Variants in CNGA3 observed in about 807,000 individuals in gnomAD.
CNGA3 encodes the protein cyclic nucleotide-gated channel alpha-3.
In CNGA3, 42 loss-of-function variants were observed where a neutral mutation model predicts 46.6. That is an observed-to-expected ratio of 0.90 (90% confidence interval 0.70 to 1.17). CNGA3 has a LOEUF of 1.17. CNGA3 is among the 50% of genes most tolerant of loss of function. The pLI, the probability that CNGA3 is intolerant of heterozygous loss-of-function variation, is 0.00. For synonymous variants in CNGA3, 394 were observed against 369.4 expected (o/e 1.07, Z -0.76); for missense variants, 893 against 890.7 (o/e 1.00, Z -0.03).
chr2:98,390,830 G>A lies in CNGA3; in HGVS notation c.567-1034G>A, dbSNP rs187322359. ...CACTGTTGGTCTTCTGAGGGTACAC[G>A]GGAGGGCTTAGGGGACTTCCCAAGC... On this transcript the variant is annotated intron_variant, in intron 6 of 7. Transcript: ENST00000272602. 8.5e-5 allele frequency among the ~76,000 whole-genome samples: 13 copies of A among 152,320 alleles called. No homozygotes were observed. In the East Asian group the frequency reaches 1.5e-3, roughly 18 times the overall value.
At chr2:98,392,013 G>T (rs770929126) in intron 7 of CNGA3, 43 bp downstream of exon 7, 3 of 1,555,726 alleles carry the variant, frequency 1.9e-6, no homozygotes, top group Admixed American at 3.3e-5. Context: ...TGGCCCCCAC[G>T]GGAGTGTTCC....
At chr2:98,367,918 A>G (rs1234236640) in intron 1 of CNGA3, among the ~76,000 whole-genome samples, 1 of 152,020 alleles carries the variant, frequency 6.6e-6, no homozygotes, top group African/African-American at 2.4e-5. Flanking sequence ...CCACATTCCT[A>G]CTGGGCTTTA....
chr2:98,389,884 G>C, intron 6 of CNGA3, 110 bp downstream of exon 6: 1 of 752,898 alleles, frequency 1.3e-6, no homozygotes, highest in Non-Finnish European at 2.3e-6. Context: ...GACCCCTCAC[G>C]GCCACCACTT....
intron 2 of CNGA3, 183 bp from the exon 3 acceptor site, chr2:98,377,504 G>A (rs1692432552): frequency 1.1e-5 from 7 of 635,004 alleles, no homozygotes; most frequent in South Asian, 3.6e-5. Context: ...GAAAGGCCAC[G>A]TTTATACCAA....
chr2:98,395,793 CA>C (rs544272420), intron 7 of CNGA3, 50 bp from the exon 8 acceptor site: 7 of 1,524,948 alleles, frequency 4.6e-6, no homozygotes, highest in South Asian at 1.1e-5. Context: ...GTACTATGGT[CA>C]AAAAAAGTCA....
intron 3 of CNGA3, 49 bp downstream of exon 3, chr2:98,377,849 A>G (rs1345680748): frequency 6.5e-6 from 10 of 1,530,178 alleles, no homozygotes; most frequent in Non-Finnish European, 8.9e-6. Context: ...ACACTGTTGC[A>G]GAAAGAAGGT....
intron 1 of CNGA3, among the ~76,000 whole-genome samples, chr2:98,352,170 A>G (rs962370284): frequency 6.6e-6 from 1 of 152,176 alleles, no homozygotes; most frequent in Non-Finnish European, 1.5e-5. Flanking sequence ...GGGTTCACCC[A>G]TGTTGTAGCA....
intron 4 of CNGA3, among the ~76,000 whole-genome samples, chr2:98,380,791 C>T (rs999531055): frequency 2.0e-5 from 3 of 152,118 alleles, no homozygotes; most frequent in African/African-American, 7.2e-5. Context: ...AAATGGTATC[C>T]ACAAGTTTAT....
chr2:98,370,178 A>T, intron 2 of CNGA3, 102 bp downstream of exon 2: 1 of 962,370 alleles, frequency 1.0e-6, no homozygotes. Flanking sequence ...TTGGCCAGCC[A>T]CAGGTCAGAG....
intron 1 of CNGA3, among the ~76,000 whole-genome samples, chr2:98,357,136 A>G (rs181360129): frequency 6.4e-4 from 98 of 152,326 alleles, no homozygotes; most frequent in Middle Eastern, 3.4e-3. Flanking sequence ...TTTAGGTAAA[A>G]GGAGGCAGTT....
At chr2:98,386,664 G>A (rs1692660951) in intron 5 of CNGA3, among the ~76,000 whole-genome samples, 1 of 152,188 alleles carries the variant, frequency 6.6e-6, no homozygotes, top group Admixed American at 6.5e-5. Flanking sequence ...ATCAGGGTGG[G>A]CCCACTGTAA....
intron 1 of CNGA3, among the ~76,000 whole-genome samples, chr2:98,361,714 T>TC: frequency 6.7e-6 from 1 of 148,242 alleles, no homozygotes; most frequent in East Asian, 1.9e-4. Flanking sequence ...CTTTTTTTTT[T>TC]TTTTTTTTTT....
rs183357958 is a variant in CNGA3 at position 98,361,124 on chromosome 2, A to G, written c.-37-8815A>G. Among the ~76,000 whole-genome samples, 1,045 of 151,986 alleles carry G rather than the reference A, an allele frequency of 6.9e-3. 4 individuals carry two copies. Among genetic ancestry groups the G allele is most frequent in the Non-Finnish European group, 9.2e-3 (627 of 67,988 alleles). ...GGTGGTTTGCTGCATCTATCAACCCATCTCTAGGTATTAAGGCCAGCATGC... is the reference window on the plus strand; with the variant it reads ...GGTGGTTTGCTGCATCTATCAACCCGTCTCTAGGTATTAAGGCCAGCATGC... On this transcript the variant is annotated intron_variant, in intron 1 of 7. Transcript: ENST00000272602.
chr2:98,361,565 C>T (rs536714963), intron 1 of CNGA3, among the ~76,000 whole-genome samples: 1 of 152,144 alleles, frequency 6.6e-6, no homozygotes, highest in South Asian at 2.1e-4. Flanking sequence ...ATTACTGGGT[C>T]AAATGGTATT....
chr2:98,378,695 G>T lies in CNGA3; in HGVS notation c.215+895G>T, dbSNP rs533253169. ...ATAAAGAGCTGTCTTAAGGTTCTTTGATGATAAAGGAAGAAAGAGAACACC... is the reference window on the plus strand; with the variant it reads ...ATAAAGAGCTGTCTTAAGGTTCTTTTATGATAAAGGAAGAAAGAGAACACC... On this transcript the variant is annotated intron_variant, in intron 3 of 7. Coordinates refer to ENST00000272602, the MANE Select transcript of CNGA3 (RefSeq NM_001298.3). Among the ~76,000 whole-genome samples the T allele has an allele frequency of 8.8e-4, 134 of 152,306 alleles. 1 individual carries two copies. Among genetic ancestry groups the T allele is most frequent in the South Asian group, 2.5e-3 (12 of 4,818 alleles).
intron 1 of CNGA3, among the ~76,000 whole-genome samples, chr2:98,365,514 C>G (rs1309461182): frequency 6.6e-6 from 1 of 152,126 alleles, no homozygotes; most frequent in Non-Finnish European, 1.5e-5. Context: ...CAACTTGGTT[C>G]CATTCTACCC....
intron 1 of CNGA3, among the ~76,000 whole-genome samples, chr2:98,357,068 T>C (rs1425027942): frequency 6.6e-6 from 1 of 152,232 alleles, no homozygotes; most frequent in African/African-American, 2.4e-5. Flanking sequence ...CCTCCATTTA[T>C]CACACGCTCT....
intron 5 of CNGA3, among the ~76,000 whole-genome samples, chr2:98,384,620 A>C (rs1692613620): frequency 1.3e-5 from 2 of 152,234 alleles, no homozygotes; most frequent in South Asian, 4.1e-4. Context: ...TCTACAAAGC[A>C]ATAGCTATAG....
rs1318776307 is a variant in CNGA3 at position 98,380,155 on chromosome 2, G to A, written c.216-20G>A. 3 of 1,613,676 alleles carry A rather than the reference G, an allele frequency of 1.9e-6. No individual in the cohort carries two copies. Among genetic ancestry groups the A allele is most frequent in the Admixed American group, 1.7e-5 (1 of 60,012 alleles). Reference sequence around the variant, plus strand: ...GGGCTTTTCCTCTCCCTCTGGCTCAGTGCTTGTGTCACCTTCCAGGCTGTC... The same window carrying A: ...GGGCTTTTCCTCTCCCTCTGGCTCAATGCTTGTGTCACCTTCCAGGCTGTC... On this transcript the variant is annotated intron_variant, in intron 3 of 7. Transcript: ENST00000272602.
Sources: gnomAD v4.1 joint callset for allele counts (sites outside exome capture counted in the v4.1 genomes callset) on GRCh38, gnomAD v4.1.1 for gene constraint, MANE v1.5 for transcripts, NCBI Gene and HGNC (gene_info 2026-07-23, HGNC 2026-07-21) for gene names.